The following ITPR1 variants were observed in gnomAD, a reference collection of about 807,000 sequenced individuals.
ITPR1 encodes the protein inositol 1,4,5-trisphosphate-gated calcium channel ITPR1.
Under a neutral mutation model 318.4 loss-of-function variants are expected in ITPR1, and 96 were observed. That is an observed-to-expected ratio of 0.30 (90% CI 0.26 to 0.36). ITPR1 has a LOEUF of 0.36. Among genes scored for constraint, ITPR1 ranks in the 10% least tolerant of loss-of-function variants. The pLI is 1.00. For synonymous variants in ITPR1, 1,312 were observed against 1,289.9 expected, an observed-to-expected ratio of 1.02 and a Z score of -0.37; for missense variants, 2,440 against 3,460.2, an observed-to-expected ratio of 0.71 and a Z score of 7.40.
chr3:4,818,838 A>G (rs1553759613), intron 60 of ITPR1, among the ~76,000 whole-genome samples: 1 of 152,134 alleles, frequency 6.6e-6, no homozygotes, highest in Non-Finnish European at 1.5e-5. Context: ...GTTAGAGAAC[A>G]CTTCTCGGGC....
At chr3:4,727,603 A>G (rs574350882) in intron 42 of ITPR1, among the ~76,000 whole-genome samples, 1 of 152,266 alleles carries the variant, frequency 6.6e-6, no homozygotes, top group South Asian at 2.1e-4. Flanking sequence ...AGAGACAGAT[A>G]TTACTCTGTT....
At chr3:4,832,223 G>C (rs1354166980) in intron 60 of ITPR1, among the ~76,000 whole-genome samples, 1 of 152,282 alleles carries the variant, frequency 6.6e-6, no homozygotes, top group South Asian at 2.1e-4. Context: ...GGGAGGCACT[G>C]GGGGAGACTC....
At chr3:4,618,965 A>G (rs184449723) in intron 4 of ITPR1, among the ~76,000 whole-genome samples, 59 of 152,276 alleles carry the variant, frequency 3.9e-4, no homozygotes, top group African/African-American at 1.3e-3. Flanking sequence ...GTGGAGTACA[A>G]CCTCCAGCAG....
At chr3:4,708,684 TA>T (rs11328355) in intron 37 of ITPR1, among the ~76,000 whole-genome samples, 5,128 of 152,306 alleles carry the variant, frequency 0.034, 256 homozygotes, top group African/African-American at 0.11. Context: ...CTTGGGAAGT[TA>T]AATGAAACGC....
At chr3:4,515,344 A>G (rs746274450) in intron 2 of ITPR1, among the ~76,000 whole-genome samples, 1 of 151,982 alleles carries the variant, frequency 6.6e-6, no homozygotes, top group Non-Finnish European at 1.5e-5. Flanking sequence ...CACTGTTACA[A>G]CTCTTGTAAC....
At chr3:4,801,325 T>C (rs749099767) in intron 54 of ITPR1, among the ~76,000 whole-genome samples, 5 of 152,098 alleles carry the variant, frequency 3.3e-5, no homozygotes, top group Non-Finnish European at 7.3e-5. Context: ...GGAAGTGATA[T>C]CGCAAAATAA....
chr3:4,541,720 G>T (rs1165602660), intron 4 of ITPR1, among the ~76,000 whole-genome samples: 1 of 151,968 alleles, frequency 6.6e-6, no homozygotes, highest in Non-Finnish European at 1.5e-5. Context: ...CCGCCTCCCA[G>T]GTTCAAGCCG....
intron 16 of ITPR1, 51 bp from the exon 17 acceptor site, chr3:4,665,087 G>A: frequency 6.3e-7 from 1 of 1,599,328 alleles, no homozygotes; most frequent in Non-Finnish European, 8.6e-7. Flanking sequence ...CAGAGGGTTA[G>A]CTTTGAAGCC....
chr3:4,571,697 T>C lies in ITPR1; in HGVS notation c.163+50603T>C, dbSNP rs543002183. Among the ~76,000 whole-genome samples, 10 of 152,220 alleles carry C rather than the reference T, an allele frequency of 6.6e-5. No individual in the cohort carries two copies. In the South Asian group the frequency reaches 1.2e-3, roughly 19 times the overall value. On this transcript the variant is annotated intron_variant, in intron 4 of 61. Transcript: ENST00000649015. ...TCTTTAGGCCTTCATCAGGGAATAT[T>C]TGGGGGTAAAGAACAGAAACCCACT...
intron 61 of ITPR1, among the ~76,000 whole-genome samples, chr3:4,840,881 T>G (rs922968061): frequency 1.3e-5 from 2 of 152,202 alleles, no homozygotes; most frequent in African/African-American, 4.8e-5. Flanking sequence ...CTAACTTTCT[T>G]GAAAATATGA....
chr3:4,795,943 C>T (rs2047871008), intron 53 of ITPR1, among the ~76,000 whole-genome samples: 1 of 152,162 alleles, frequency 6.6e-6, no homozygotes, highest in Non-Finnish European at 1.5e-5. Context: ...GGGAGGTCCA[C>T]CTCCCGGCTA....
chr3:4,734,197 A>G (rs369393321), intron 43 of ITPR1, among the ~76,000 whole-genome samples: 84 of 152,362 alleles, frequency 5.5e-4, no homozygotes, highest in African/African-American at 1.9e-3. Context: ...TTTCAAATCC[A>G]AAAATCAATG....
chr3:4,703,067 T>C lies in ITPR1; in HGVS notation c.4657+117T>C, dbSNP rs1288530143. On this transcript the variant is annotated intron_variant, in intron 36 of 61. Transcript: ENST00000649015. ...TTCTAAAGTTACACAGACAGGAAGT[T>C]TCAGAGCCAGACCCGGAACCAAGGT... 2.1e-5 allele frequency: 25 copies of C among 1,179,086 alleles called. No homozygotes were observed. The East Asian group carries it at 5.3e-4, about 25-fold the overall frequency. 73.0% of individuals were successfully genotyped at this position (1,179,086 alleles called of 1,614,324 possible). A position where few individuals can be genotyped will look rare whatever the true frequency, so the allele number is the denominator to read the frequency against.
At chr3:4,797,084 C>A (rs2047948226) in intron 53 of ITPR1, among the ~76,000 whole-genome samples, 1 of 151,930 alleles carries the variant, frequency 6.6e-6, no homozygotes, top group South Asian at 2.1e-4. Context: ...GAATCATGGG[C>A]TTTAGAACTT....
At chr3:4,768,228 A>G (rs1052545662) in intron 45 of ITPR1, 8 of 323,108 alleles carry the variant, frequency 2.5e-5, no homozygotes, top group Non-Finnish European at 3.9e-5. Context: ...GAGGCCCAGA[A>G]CCTTAGATGT....
chr3:4,745,181 C>A (rs1342114446), intron 44 of ITPR1, among the ~76,000 whole-genome samples: 2 of 146,308 alleles, frequency 1.4e-5, no homozygotes, highest in Non-Finnish European at 3.0e-5. Context: ...CCTTTTCCTT[C>A]ATTTTTTTCT....
rs115924290 is a variant in ITPR1 at position 4,665,848 on chromosome 3, C to T, written c.1713+552C>T. ...AAATGTCCTAGGAGCTCCAAACAAC[C>T]TTCAGATTCTAAGAAAACCTGAGAA... On this transcript the variant is annotated intron_variant, in intron 17 of 61. Transcript: ENST00000649015. Among the ~76,000 whole-genome samples the T allele has an allele frequency of 9.0e-3, 1,377 of 152,264 alleles. 16 individuals carry two copies. The highest frequency in any genetic ancestry group is 0.031 in the African/African-American group (1,290 of 41,548).
At chr3:4,593,389 A>G (rs1167227683) in intron 4 of ITPR1, among the ~76,000 whole-genome samples, 4 of 152,208 alleles carry the variant, frequency 2.6e-5, no homozygotes, top group African/African-American at 7.2e-5. Context: ...TACTCCTTCT[A>G]TTTTCAAGAG....
intron 43 of ITPR1, among the ~76,000 whole-genome samples, chr3:4,733,649 C>A (rs2043084176): frequency 6.6e-6 from 1 of 152,160 alleles, no homozygotes; most frequent in African/African-American, 2.4e-5. Flanking sequence ...CATTCTTTGT[C>A]TCATTTTCTC....
Sources: allele counts gnomAD v4.1 joint callset (sites outside exome capture counted in the v4.1 genomes callset), GRCh38; gene constraint gnomAD v4.1.1; transcripts MANE v1.5; gene names NCBI Gene and HGNC (gene_info 2026-07-23, HGNC 2026-07-21).